The following MYBPC2 variants were observed in gnomAD, a reference collection of about 807,000 sequenced individuals.
MYBPC2 encodes myosin-binding protein C, fast-type.
In MYBPC2, 122 loss-of-function variants were observed where a neutral mutation model predicts 137.0. The observed-to-expected ratio is 0.89, with a 90% CI of 0.77 to 1.03. The LOEUF (loss-of-function observed/expected upper bound fraction) is 1.03. Among genes scored for constraint, MYBPC2 ranks in the 50% least tolerant of loss-of-function variants. The probability of loss-of-function intolerance (pLI) is 0.00; values close to 1 mark genes in which losing one functional copy is unlikely to be tolerated. For synonymous variants in MYBPC2, 626 were observed against 612.3 expected (o/e 1.02, Z -0.33); for missense variants, 1,500 against 1,534.4 (o/e 0.98, Z 0.37).
intron 13 of MYBPC2, among the ~76,000 whole-genome samples, chr19:50,448,686 C>T (rs1164346784): frequency 2.6e-5 from 4 of 151,926 alleles, no homozygotes; most frequent in African/African-American, 9.7e-5. Flanking sequence ...TCTTGAACTC[C>T]TGACCTCAAG....
At chr19:50,460,528 G>C (rs1357130878) in intron 24 of MYBPC2, among the ~76,000 whole-genome samples, 1 of 152,036 alleles carries the variant, frequency 6.6e-6, no homozygotes, top group Non-Finnish European at 1.5e-5. Flanking sequence ...GGTCTCCCCT[G>C]GCAGCCACCG....
intron 7 of MYBPC2, among the ~76,000 whole-genome samples, chr19:50,438,484 C>T (rs772475496): frequency 2.0e-5 from 3 of 152,074 alleles, no homozygotes; most frequent in Non-Finnish European, 4.4e-5. Context: ...CTGAGTTCAC[C>T]AGTGAAGAGG....
intron 11 of MYBPC2, among the ~76,000 whole-genome samples, chr19:50,444,298 C>CCATA (rs2122589467): frequency 8.1e-6 from 1 of 123,358 alleles, no homozygotes; most frequent in South Asian, 2.3e-4. Flanking sequence ...ATTCATCCAT[C>CCATA]CATCCATCCA....
intron 7 of MYBPC2, among the ~76,000 whole-genome samples, chr19:50,439,498 A>T (rs926398833): frequency 5.3e-5 from 8 of 151,510 alleles, no homozygotes; most frequent in Non-Finnish European, 1.0e-4. Context: ...TCTCTCACCC[A>T]TCAACCATCT....
Position 50,443,440 on chromosome 19 carries a change from C to T in MYBPC2, c.903-54C>T, listed in dbSNP as rs891567494. On this transcript the variant is annotated intron_variant, in intron 9 of 27. Coordinates refer to ENST00000357701, the MANE Select transcript of MYBPC2 (RefSeq NM_004533.4). ...TTGAGAACAGGTAAGCAGAGCTACC[C>T]CAGGGATAGGTGGATGCTCCACGCC... is the stretch of plus-strand genomic sequence containing the variant. 4 of 1,590,600 alleles carry T rather than the reference C, an allele frequency of 2.5e-6. No homozygotes were observed. The African/African-American group carries it at 5.4e-5, about 21-fold the overall frequency.
In MYBPC2 at chr19:50,442,175, C is replaced by A; in HGVS notation, c.770-6C>A. The A allele has an allele frequency of 6.3e-7, 1 of 1,585,526 alleles. No homozygotes were observed. Among genetic ancestry groups the A allele is most frequent in the Non-Finnish European group, 8.6e-7 (1 of 1,166,010 alleles). On this transcript the variant is annotated splice_polypyrimidine_tract_variant and splice_region_variant and intron_variant, in intron 8 of 27. Coordinates refer to ENST00000357701, the MANE Select transcript of MYBPC2 (RefSeq NM_004533.4). ...CTCCATCCCCTTTGCATGCCTCAAT[C>A]TTCAGCATTCACAAAGAAGCTGGAT...
chr19:50,447,236 CT>C (rs2039814433), intron 12 of MYBPC2, among the ~76,000 whole-genome samples: 1 of 152,110 alleles, frequency 6.6e-6, no homozygotes, highest in South Asian at 2.1e-4. Flanking sequence ...TGTCAGTGTC[CT>C]GGTTTGGATA....
rs746593617 is a variant in MYBPC2 at position 50,440,973 on chromosome 19, G to C, written c.666G>C (p.Lys222Asn). 1 of 1,613,780 alleles carries C rather than the reference G, an allele frequency of 6.2e-7. No homozygotes were observed. Among genetic ancestry groups the C allele is most frequent in the South Asian group, 1.1e-5 (1 of 91,010 alleles). Residue 222 changes from lysine (K) to asparagine (N), a missense_variant, in exon 8 of 28, where the codon AAG becomes AAC. Coordinates refer to ENST00000357701, the MANE Select transcript of MYBPC2 (RefSeq NM_004533.4). ...PEIWELLKGA[K>N]KSEYEKIAFQ... ...TTTGGGAGCTCCTGAAAGGGGCAAA[G>C]AAGAGCGAGTACGAGAAAATCGCCT...
At chr19:50,461,455 CT>C in intron 24 of MYBPC2, 86 bp from the exon 25 acceptor site, 2 of 1,381,268 alleles carry the variant, frequency 1.4e-6, no homozygotes, top group Non-Finnish European at 2.0e-6. Flanking sequence ...ATGTGCTTTT[CT>C]CACCCCTTCT....
intron 5 of MYBPC2, among the ~76,000 whole-genome samples, chr19:50,436,989 A>G (rs1384162149): frequency 6.6e-6 from 1 of 152,156 alleles, no homozygotes; most frequent in Non-Finnish European, 1.5e-5. Flanking sequence ...TGAGTTATGC[A>G]CATTCCACGT....
chr19:50,443,849 G>A (rs2039778489), intron 11 of MYBPC2, 33 bp downstream of exon 11: 2 of 1,581,636 alleles, frequency 1.3e-6, no homozygotes, highest in Non-Finnish European at 1.7e-6. Flanking sequence ...TCTCCATACA[G>A]GTGCACATAG....
At position 50,461,715 on chromosome 19, in the gene MYBPC2, G is replaced by T. The variant is rs763928522; in HGVS notation, c.3091+14G>T. On this transcript the variant is annotated intron_variant, in intron 25 of 27. Coordinates refer to ENST00000357701, the MANE Select transcript of MYBPC2 (RefSeq NM_004533.4). ...TCCTCAAGACAGGTACAGCCATCCT[G>T]CCCCACAGCCCAGGCCCACCCCGTC... 8 of 1,612,274 alleles carry T rather than the reference G, an allele frequency of 5.0e-6. No individual in the cohort carries two copies. Among genetic ancestry groups the T allele is most frequent in the Non-Finnish European group, 6.8e-6 (8 of 1,179,610 alleles).
chr19:50,441,859 AAAAATAAAAT>A (rs769002509), intron 8 of MYBPC2, among the ~76,000 whole-genome samples: 6,753 of 150,720 alleles, frequency 0.045, 180 homozygotes, highest in African/African-American at 0.064. Context: ...AAATAAAATA[AAAAATAAAAT>A]AAAATAAAAT....
chr19:50,453,095 A>G (rs1318947394), intron 16 of MYBPC2, among the ~76,000 whole-genome samples: 1 of 151,952 alleles, frequency 6.6e-6, no homozygotes, highest in East Asian at 1.9e-4. Context: ...GCCCTCCAAG[A>G]GCCTTCATTT....
chr19:50,452,035 C>T (rs764986039), intron 16 of MYBPC2, 32 bp downstream of exon 16: 5 of 1,545,318 alleles, frequency 3.2e-6, no homozygotes, highest in Non-Finnish European at 4.4e-6. Context: ...GTCCTCACTC[C>T]CTTTCCGTTT....
In MYBPC2 at chr19:50,435,797, C is replaced by G. The variant is rs931895885; in HGVS notation, c.131C>G (p.Ser44Cys). 6.2e-7 allele frequency: 1 copy of G among 1,611,654 alleles called. No homozygotes were observed. Among genetic ancestry groups the G allele is most frequent in the Non-Finnish European group, 8.5e-7 (1 of 1,178,764 alleles). ...APKEAPPEDQ[S>C]PTAEEPTGVF... Reference sequence around the variant, plus strand: ...ACAGAAGCCCCACCCGAGGACCAGTCCCCGACTGCAGAGGAGCCCACCGGC... The same window carrying G: ...ACAGAAGCCCCACCCGAGGACCAGTGCCCGACTGCAGAGGAGCCCACCGGC... Residue 44 changes from serine (S) to cysteine (C), a missense_variant, in exon 3 of 28, where the codon TCC becomes TGC. Coordinates refer to ENST00000357701, the MANE Select transcript of MYBPC2 (RefSeq NM_004533.4). This position sits in a 1 kb window ranked among gnomAD's most constrained non-coding sequence, Gnocchi z 4.8.
At position 50,462,040 on chromosome 19, in the gene MYBPC2, C is replaced by T. The variant is rs770840990; in HGVS notation, c.3228+4C>T. On this transcript the variant is annotated splice_donor_region_variant and intron_variant, in intron 26 of 27. Coordinates refer to ENST00000357701, the MANE Select transcript of MYBPC2 (RefSeq NM_004533.4). ...TGCTGTCAGAGGCCACCCGAAGGTGCCAGGGCAGGGACCCAGATCTGCGTG... is the reference window on the plus strand; with the variant it reads ...TGCTGTCAGAGGCCACCCGAAGGTGTCAGGGCAGGGACCCAGATCTGCGTG... 1 of 1,571,242 alleles carries T rather than the reference C, an allele frequency of 6.4e-7. No homozygotes were observed. The highest frequency in any genetic ancestry group is 1.4e-5 in the African/African-American group (1 of 74,040).
chr19:50,453,792 G>T (rs560059254), intron 16 of MYBPC2, among the ~76,000 whole-genome samples: 1 of 151,674 alleles, frequency 6.6e-6, no homozygotes, highest in Admixed American at 6.6e-5. Flanking sequence ...TACCCGCCTC[G>T]GCCTCCCAAA....
In MYBPC2 at chr19:50,436,037, G is replaced by A. The variant is rs749694198; in HGVS notation, c.222G>A (p.Lys74=). The change falls in exon 4 of 28, where the codon AAG becomes AAA. Residue 74 remains lysine, a synonymous_variant. Coordinates refer to ENST00000357701, the MANE Select transcript of MYBPC2 (RefSeq NM_004533.4). The part of the protein sequence containing the change: ...ETGKDAVVVA[K]VNGKELPDKP... ...GGAAGGACGCAGTGGTCGTGGCCAA[G>A]GTGAACGGGAAGGAGCTCCCAGACA... The A allele has an allele frequency of 6.3e-7, 1 of 1,583,722 alleles. No homozygotes were observed. The highest frequency in any genetic ancestry group is 2.3e-5 in the East Asian group (1 of 43,204).
Sources: allele counts gnomAD v4.1 joint callset (sites outside exome capture counted in the v4.1 genomes callset), GRCh38; gene constraint gnomAD v4.1.1; non-coding constraint Gnocchi (gnomAD v3.1); transcripts MANE v1.5; gene names NCBI Gene and HGNC (gene_info 2026-07-23, HGNC 2026-07-21).